Variants in RNF216 observed in about 807,000 individuals in gnomAD.
The protein encoded by RNF216 is E3 ubiquitin-protein ligase RNF216.
Under a neutral mutation model 110.8 loss-of-function variants are expected in RNF216, and 72 were observed. The observed-to-expected ratio is 0.65, with a 90% CI of 0.54 to 0.79. The LOEUF is 0.79. Ranked by LOEUF, RNF216 falls within the 30% of genes least tolerant of loss-of-function variation. The probability of loss-of-function intolerance (pLI) is 0.00; values close to 1 mark genes in which losing one functional copy is unlikely to be tolerated. For synonymous variants in RNF216, 495 were observed against 407.5 expected (o/e 1.21, Z -2.59); for missense variants, 1,342 against 1,141.2 (o/e 1.18, Z -2.54).
intron 1 of RNF216, among the ~76,000 whole-genome samples, chr7:5,763,701 C>G (rs1281262288): frequency 6.6e-6 from 1 of 152,090 alleles, no homozygotes; most frequent in South Asian, 2.1e-4. Flanking sequence ...CTCAGAGTAG[C>G]TGGGACCACA....
At chr7:5,740,792 G>C (rs1794708239) in intron 4 of RNF216, among the ~76,000 whole-genome samples, 181 bp downstream of exon 4, 1 of 151,486 alleles carries the variant, frequency 6.6e-6, no homozygotes, top group Non-Finnish European at 1.5e-5. Context: ...TATAGTAAAG[G>C]AACCCTGATT....
chr7:5,632,335 G>A (rs182880878), intron 15 of RNF216, among the ~76,000 whole-genome samples: 4 of 152,172 alleles, frequency 2.6e-5, no homozygotes, highest in Non-Finnish European at 5.9e-5. Context: ...GGACCCAGCT[G>A]GCCTGAATGA....
intron 15 of RNF216, among the ~76,000 whole-genome samples, chr7:5,638,817 A>G (rs1311368986): frequency 6.6e-6 from 1 of 151,930 alleles, no homozygotes; most frequent in African/African-American, 2.4e-5. Flanking sequence ...GATATTTTGT[A>G]AAGATGGGGG....
At chr7:5,776,594 C>CA (rs35304255) in intron 1 of RNF216, among the ~76,000 whole-genome samples, 31,842 of 61,780 alleles carry the variant, frequency 0.52, 7,084 homozygotes, top group East Asian at 0.73. Flanking sequence ...GACTCCGTCT[C>CA]AAAAAAAAAA....
chr7:5,743,272 T>G (rs1286657228), intron 3 of RNF216, among the ~76,000 whole-genome samples: 1 of 151,910 alleles, frequency 6.6e-6, no homozygotes, highest in Non-Finnish European at 1.5e-5. Flanking sequence ...AATAAATAAA[T>G]AAATACACAA....
chr7:5,736,813 C>T lies in RNF216; in HGVS notation c.1121+2463G>A, dbSNP rs187062834. On this transcript the variant is annotated intron_variant, in intron 5 of 16. Transcript: ENST00000389902. ...GAGCAGCGTCTCTGCCCGGCCGCCC[C>T]GTCTGAGAAGTGAGGAGCCCCTCCG... Among the ~76,000 whole-genome samples the T allele has an allele frequency of 1.9e-3, 285 of 151,928 alleles. 6 individuals carry two copies. The East Asian group carries it at 0.036, about 19-fold the overall frequency.
chr7:5,772,510 G>A (rs749051777), intron 1 of RNF216, among the ~76,000 whole-genome samples: 11 of 152,038 alleles, frequency 7.2e-5, no homozygotes, highest in Non-Finnish European at 1.3e-4. Context: ...AGGTTTAAGC[G>A]ATTCAATCCT....
intron 13 of RNF216, among the ~76,000 whole-genome samples, chr7:5,711,496 TTTACA>T (rs1371368445): frequency 6.6e-6 from 1 of 152,198 alleles, no homozygotes; most frequent in African/African-American, 2.4e-5. Context: ...CACTTCCCAC[TTTACA>T]TTATAGTATC....
chr7:5,752,066 T>A (rs1296963351), intron 3 of RNF216, among the ~76,000 whole-genome samples: 1 of 151,888 alleles, frequency 6.6e-6, no homozygotes, highest in Non-Finnish European at 1.5e-5. Context: ...GCGCCTGTAA[T>A]CCCAGCTACT....
chr7:5,689,494 A>G (rs1406974104), intron 13 of RNF216, among the ~76,000 whole-genome samples: 1 of 151,924 alleles, frequency 6.6e-6, no homozygotes, highest in Non-Finnish European at 1.5e-5. Context: ...TCTGGAGGCC[A>G]TTTTCTAAAA....
At chr7:5,688,456 GA>G (rs1167074530) in intron 13 of RNF216, among the ~76,000 whole-genome samples, 1 of 152,064 alleles carries the variant, frequency 6.6e-6, no homozygotes, top group East Asian at 1.9e-4. Context: ...CTAGTGAAAA[GA>G]AGAACACATA....
chr7:5,701,870 A>G (rs758531022), intron 13 of RNF216, among the ~76,000 whole-genome samples: 22 of 152,186 alleles, frequency 1.4e-4, no homozygotes, highest in Non-Finnish European at 2.8e-4. Flanking sequence ...AAAGCCCAGC[A>G]AAAGACGTGT....
intron 14 of RNF216, among the ~76,000 whole-genome samples, chr7:5,643,070 T>C (rs1787839103): frequency 6.6e-6 from 1 of 151,816 alleles, no homozygotes; most frequent in East Asian, 1.9e-4. Flanking sequence ...TAATAATGGG[T>C]ATGGAGGGAG....
intron 3 of RNF216, among the ~76,000 whole-genome samples, chr7:5,749,071 T>C (rs560359606): frequency 6.6e-6 from 1 of 152,180 alleles, no homozygotes; most frequent in African/African-American, 2.4e-5. Context: ...TGCCTTTTAG[T>C]TCACGTGACT....
At chr7:5,773,397 C>T (rs1301708866) in intron 1 of RNF216, among the ~76,000 whole-genome samples, 1 of 151,668 alleles carries the variant, frequency 6.6e-6, no homozygotes, top group African/African-American at 2.4e-5. Context: ...TGCCCGCCAC[C>T]AAACAAGCTA....
Position 5,674,098 on chromosome 7 carries a change from C to T in RNF216, c.2062-21588G>A, listed in dbSNP as rs144079975. The stretch of plus-strand genomic sequence containing the variant: ...AGGCTGGAGTGCAATGGCGTTATCT[C>T]GGCTCACTGCAACCTCCGCCTCCTG... On this transcript the variant is annotated intron_variant, in intron 13 of 16. Transcript: ENST00000389902. Among the ~76,000 whole-genome samples the T allele has an allele frequency of 7.4e-3, 1,130 of 151,804 alleles. 3 individuals carry two copies. The highest frequency in any genetic ancestry group is 0.011 in the Non-Finnish European group (728 of 67,950).
chr7:5,663,798 T>C (rs1789319215), intron 13 of RNF216, among the ~76,000 whole-genome samples: 1 of 151,830 alleles, frequency 6.6e-6, no homozygotes, highest in Admixed American at 6.6e-5. Flanking sequence ...CTCAGGAGGC[T>C]GAGACAGAAG....
chr7:5,695,509 G>C (rs900041470), intron 13 of RNF216, among the ~76,000 whole-genome samples: 1 of 152,224 alleles, frequency 6.6e-6, no homozygotes, highest in African/African-American at 2.4e-5. Context: ...GCCTACTGCT[G>C]AGAGTGCCTC....
chr7:5,650,997 C>T (rs1297731756), intron 14 of RNF216, among the ~76,000 whole-genome samples: 4 of 152,184 alleles, frequency 2.6e-5, no homozygotes, highest in South Asian at 2.1e-4. Flanking sequence ...AGGCTACATA[C>T]GGTGCTTGCC....
Sources: gnomAD v4.1 joint callset for allele counts (sites outside exome capture counted in the v4.1 genomes callset) on GRCh38, gnomAD v4.1.1 for gene constraint, MANE v1.5 for transcripts, NCBI Gene and HGNC (gene_info 2026-07-23, HGNC 2026-07-21) for gene names.